CNTN5: variants seen among roughly 807,000 people sequenced by gnomAD.
CNTN5 encodes contactin 5, also known as contactin-5.
A neutral mutation model predicts 129.1 loss-of-function variants in CNTN5; 77 were observed. That is an observed-to-expected ratio of 0.60 (90% CI 0.50 to 0.72). The LOEUF (loss-of-function observed/expected upper bound fraction) is 0.72. Ranked by LOEUF, CNTN5 falls within the 30% of genes least tolerant of loss-of-function variation. The probability of loss-of-function intolerance (pLI) is 0.00; values close to 1 mark genes in which losing one functional copy is unlikely to be tolerated. For synonymous variants in CNTN5, 509 were observed against 465.6 expected (o/e 1.09, Z -1.20); for missense variants, 1,478 against 1,328.8 (o/e 1.11, Z -1.75).
intron 9 of CNTN5, among the ~76,000 whole-genome samples, chr11:100,017,547 A>G (rs1358144467): frequency 6.6e-6 from 1 of 152,008 alleles, no homozygotes; most frequent in African/African-American, 2.4e-5. Flanking sequence ...TGGCATATAT[A>G]AACACTAACT....
At chr11:99,563,400 A>T (rs1948903714) in intron 3 of CNTN5, among the ~76,000 whole-genome samples, 4 of 152,284 alleles carry the variant, frequency 2.6e-5, no homozygotes, top group African/African-American at 9.6e-5. Flanking sequence ...CAAAAATTTG[A>T]GGAGGAGTGT....
At chr11:99,967,909 T>A (rs1033483820) in intron 8 of CNTN5, among the ~76,000 whole-genome samples, 1 of 152,172 alleles carries the variant, frequency 6.6e-6, no homozygotes, top group Admixed American at 6.5e-5. Flanking sequence ...TACACTTATG[T>A]TTTCTGCATG....
chr11:100,006,739 C>A (rs1360040849), intron 9 of CNTN5, among the ~76,000 whole-genome samples: 1 of 147,256 alleles, frequency 6.8e-6, no homozygotes, highest in African/African-American at 2.6e-5. Flanking sequence ...AATATTTTGA[C>A]CTTCCATGAA....
At chr11:99,079,920 A>G (rs149499319) in intron 1 of CNTN5, among the ~76,000 whole-genome samples, 45 of 152,354 alleles carry the variant, frequency 3.0e-4, no homozygotes, top group Middle Eastern at 3.4e-3. Flanking sequence ...CTTTGTAGGA[A>G]TAAAGAGATT....
intron 4 of CNTN5, among the ~76,000 whole-genome samples, chr11:99,827,664 C>A (rs1051320070): frequency 2.0e-5 from 3 of 152,166 alleles, no homozygotes; most frequent in Non-Finnish European, 2.9e-5. Context: ...TCTGTAATAA[C>A]TTACACATAG....
chr11:99,128,851 T>A (rs1858783959), intron 1 of CNTN5, among the ~76,000 whole-genome samples: 1 of 152,098 alleles, frequency 6.6e-6, no homozygotes, highest in Admixed American at 6.5e-5. Flanking sequence ...CCCAGCACAC[T>A]GCAGCAGACC....
At chr11:100,355,691 C>T (rs1952506724) in intron 24 of CNTN5, among the ~76,000 whole-genome samples, 1 of 151,610 alleles carries the variant, frequency 6.6e-6, no homozygotes, top group Non-Finnish European at 1.5e-5. Context: ...AGGGGGCCAC[C>T]ATCAGATATG....
At chr11:99,780,174 G>GT (rs200992241) in intron 3 of CNTN5, among the ~76,000 whole-genome samples, 2,975 of 151,898 alleles carry the variant, frequency 0.02, 98 homozygotes, top group African/African-American at 0.065. Context: ...CTCCTTCTTA[G>GT]TTTTTTTCCC....
chr11:99,860,663 G>A (rs1948175439), intron 6 of CNTN5, among the ~76,000 whole-genome samples: 1 of 152,020 alleles, frequency 6.6e-6, no homozygotes, highest in Non-Finnish European at 1.5e-5. Flanking sequence ...CCATTGGTCT[G>A]ATTTTGTACC....
chr11:100,157,618 G>T (rs569132198), intron 13 of CNTN5, among the ~76,000 whole-genome samples: 1 of 151,664 alleles, frequency 6.6e-6, no homozygotes, highest in East Asian at 1.9e-4. Context: ...ATGAAAGTGC[G>T]AAAGTTGAAA....
intron 16 of CNTN5, among the ~76,000 whole-genome samples, chr11:100,242,057 CAAAAT>C (rs1274362157): frequency 2.0e-5 from 3 of 152,196 alleles, no homozygotes; most frequent in Non-Finnish European, 4.4e-5. Flanking sequence ...GATTCACACT[CAAAAT>C]AAAATCCAAG....
At position 100,229,547 on chromosome 11, in the gene CNTN5, G is replaced by A. The variant is rs1277724425; in HGVS notation, c.2005+4735G>A. 2.0e-5 allele frequency among the ~76,000 whole-genome samples: 3 copies of A among 152,184 alleles called. No homozygotes were observed. The South Asian group carries it at 6.2e-4, about 31-fold the overall frequency. ...TCTTTAGTGATTCTCACTAGCAAGA[G>A]AGAAAAGTTTGACTTTTCTGCCTAT... On this transcript the variant is annotated intron_variant, in intron 16 of 24. Coordinates refer to ENST00000524871, the MANE Select transcript of CNTN5 (RefSeq NM_014361.4).
intron 9 of CNTN5, among the ~76,000 whole-genome samples, chr11:100,057,419 T>C (rs1470311520): frequency 1.3e-5 from 2 of 151,632 alleles, no homozygotes; most frequent in Non-Finnish European, 3.0e-5. Flanking sequence ...CTATCATTTA[T>C]TGGGTGCTTA....
At chr11:100,080,895 C>A (rs984143398) in intron 13 of CNTN5, among the ~76,000 whole-genome samples, 1 of 151,928 alleles carries the variant, frequency 6.6e-6, no homozygotes, top group African/African-American at 2.4e-5. Context: ...GCATTGTTTA[C>A]CTAAAGGAAG....
chr11:99,192,812 G>T (rs1229997432), intron 1 of CNTN5, among the ~76,000 whole-genome samples: 2 of 152,006 alleles, frequency 1.3e-5, no homozygotes, highest in Non-Finnish European at 2.9e-5. Context: ...TGTTATATTT[G>T]TTTTTCTCGG....
At chr11:99,422,836 G>A (rs1942960836) in intron 2 of CNTN5, among the ~76,000 whole-genome samples, 1 of 151,800 alleles carries the variant, frequency 6.6e-6, no homozygotes, top group African/African-American at 2.4e-5. Flanking sequence ...TTGAACAAGG[G>A]GTAAGTTTGA....
intron 2 of CNTN5, among the ~76,000 whole-genome samples, chr11:99,456,719 C>A (rs1219399516): frequency 6.6e-6 from 1 of 152,000 alleles, no homozygotes; most frequent in East Asian, 1.9e-4. Context: ...TGAACAACGA[C>A]AACAACAGAA....
intron 6 of CNTN5, among the ~76,000 whole-genome samples, chr11:99,906,033 G>C (rs1456372525): frequency 1.3e-5 from 2 of 152,102 alleles, no homozygotes; most frequent in Non-Finnish European, 2.9e-5. Context: ...AGGAGATTTT[G>C]GGCTGAGACG....
At chr11:99,216,521 T>A (rs768229986) in intron 1 of CNTN5, among the ~76,000 whole-genome samples, 1 of 151,972 alleles carries the variant, frequency 6.6e-6, no homozygotes, top group Non-Finnish European at 1.5e-5. Flanking sequence ...TACCCAGCTG[T>A]GGAAATGCTG....
Sources: gnomAD v4.1 joint callset for allele counts (sites outside exome capture counted in the v4.1 genomes callset) on GRCh38, gnomAD v4.1.1 for gene constraint, MANE v1.5 for transcripts, NCBI Gene and HGNC (gene_info 2026-07-23, HGNC 2026-07-21) for gene names.